The following DIAPH1 variants were observed in gnomAD, a reference collection of about 807,000 sequenced individuals.
The protein encoded by DIAPH1 is diaphanous related formin 1.
In DIAPH1, 46 loss-of-function variants were observed where a neutral mutation model predicts 140.7. The observed-to-expected ratio is 0.33, with a 90% CI of 0.26 to 0.42. The LOEUF is 0.42. DIAPH1 is among the 10% of genes least tolerant of loss of function. The probability of loss-of-function intolerance (pLI) is 1.00; values close to 1 mark genes in which losing one functional copy is unlikely to be tolerated. For missense variants in DIAPH1, 1,310 were observed against 1,558.7 expected (o/e 0.84, Z 2.69); for synonymous variants, 565 against 551.6 (o/e 1.02, Z -0.34).
At chr5:141,583,368 A>G in intron 5 of DIAPH1, 76 bp from the exon 6 acceptor site, 4 of 1,602,956 alleles carry the variant, frequency 2.5e-6, no homozygotes, top group Non-Finnish European at 3.4e-6. Flanking sequence ...TATCCTGACA[A>G]CTTACTACTC....
At chr5:141,526,986 A>G (rs1169532894) in intron 24 of DIAPH1, among the ~76,000 whole-genome samples, 1 of 152,242 alleles carries the variant, frequency 6.6e-6, no homozygotes, top group African/African-American at 2.4e-5. Flanking sequence ...ACATATGTGC[A>G]AAACACAATA....
At chr5:141,575,339 CAT>C (rs1432513787) in intron 14 of DIAPH1, among the ~76,000 whole-genome samples, 193 bp from the exon 15 acceptor site, 34 of 152,110 alleles carry the variant, frequency 2.2e-4, no homozygotes, top group African/African-American at 8.0e-4. Flanking sequence ...AAAAAAGCAC[CAT>C]GATTCTGACC....
chr5:141,529,791 G>A (rs768295067), intron 19 of DIAPH1, 94 bp from the exon 20 acceptor site: 64 of 1,171,724 alleles, frequency 5.5e-5, no homozygotes, highest in Non-Finnish European at 7.5e-5. Flanking sequence ...CTTCCTAACA[G>A]GGCTCTTTTA....
At chr5:141,525,661 G>A (rs759153193) in intron 26 of DIAPH1, among the ~76,000 whole-genome samples, 8 of 152,160 alleles carry the variant, frequency 5.3e-5, no homozygotes, top group South Asian at 2.1e-4. Flanking sequence ...ATTAAAAGAT[G>A]GGAGGAGCGT....
At chr5:141,588,646 G>A (rs1471966810) in intron 1 of DIAPH1, among the ~76,000 whole-genome samples, 2 of 152,058 alleles carry the variant, frequency 1.3e-5, no homozygotes, top group Non-Finnish European at 2.9e-5. Context: ...TGTCCGTCTA[G>A]TCACAGACCA....
At chr5:141,577,360 AATCTT>A in intron 12 of DIAPH1, 110 bp downstream of exon 12, 1 of 821,384 alleles carries the variant, frequency 1.2e-6, no homozygotes, top group Non-Finnish European at 2.1e-6. Flanking sequence ...AATGAACCCT[AATCTT>A]GGGTCTTTGT....
chr5:141,578,793 C>A (rs1655744322), intron 9 of DIAPH1, among the ~76,000 whole-genome samples, 168 bp from the exon 10 acceptor site: 1 of 152,118 alleles, frequency 6.6e-6, no homozygotes, highest in Non-Finnish European at 1.5e-5. Context: ...GAGTACAGAT[C>A]CGGAGAGCCT....
chr5:141,595,199 T>C (rs1316997389), intron 1 of DIAPH1, among the ~76,000 whole-genome samples: 2 of 152,050 alleles, frequency 1.3e-5, no homozygotes, highest in South Asian at 2.1e-4. Context: ...TATGAATAAA[T>C]AGAGCACAGA....
At chr5:141,611,394 T>C (rs897019319) in intron 1 of DIAPH1, among the ~76,000 whole-genome samples, 1 of 152,032 alleles carries the variant, frequency 6.6e-6, no homozygotes, top group Non-Finnish European at 1.5e-5. Flanking sequence ...AAATACACTG[T>C]TAGGAAAATG....
intron 6 of DIAPH1, among the ~76,000 whole-genome samples, 155 bp downstream of exon 6, chr5:141,583,051 C>A (rs1369832248): frequency 2.0e-5 from 3 of 152,152 alleles, no homozygotes; most frequent in African/African-American, 7.2e-5. Flanking sequence ...CATCATTCAT[C>A]CTCTAGCCAC....
At chr5:141,572,220 ATCTG>A (rs2099895295) in intron 16 of DIAPH1, among the ~76,000 whole-genome samples, 180 bp from the exon 17 acceptor site, 3 of 152,228 alleles carry the variant, frequency 2.0e-5, no homozygotes, top group African/African-American at 7.2e-5. Context: ...CTTCCAGTTC[ATCTG>A]TTAATTGGTG....
At chr5:141,523,511 A>C (rs1384259036) in intron 27 of DIAPH1, among the ~76,000 whole-genome samples, 1 of 152,180 alleles carries the variant, frequency 6.6e-6, no homozygotes, top group Non-Finnish European at 1.5e-5. Context: ...AGCTCAATGT[A>C]ATCCACTTAG....
In DIAPH1 at chr5:141,578,354, C is replaced by T. The variant is rs755706494; in HGVS notation, c.1045-11G>A. 1.6e-4 allele frequency: 250 copies of T among 1,607,760 alleles called. No homozygotes were observed. The highest frequency in any genetic ancestry group is 2.1e-4 in the Non-Finnish European group (245 of 1,174,362). On this transcript the variant is annotated splice_polypyrimidine_tract_variant and intron_variant, in intron 10 of 27. Transcript: ENST00000389054. ...AATCTCTCGAAGGTCCTGTCAACAACAAAAGTAGAAGTCAGGGAACCCAAA... is the reference window on the plus strand; with the variant it reads ...AATCTCTCGAAGGTCCTGTCAACAATAAAAGTAGAAGTCAGGGAACCCAAA...
intron 1 of DIAPH1, among the ~76,000 whole-genome samples, chr5:141,589,460 T>C (rs1355213005): frequency 1.3e-5 from 2 of 152,208 alleles, no homozygotes; most frequent in Non-Finnish European, 2.9e-5. Context: ...ACTGGTATAT[T>C]GGTACAAGGA....
intron 18 of DIAPH1, among the ~76,000 whole-genome samples, chr5:141,560,167 T>C (rs2099893303): frequency 6.6e-6 from 1 of 152,238 alleles, no homozygotes; most frequent in African/African-American, 2.4e-5. Context: ...ACTGTACTGG[T>C]TGATAAAATT....
At position 141,528,586 on chromosome 5, in the gene DIAPH1, A is replaced by T; in HGVS notation, c.3019-4T>A. On this transcript the variant is annotated splice_polypyrimidine_tract_variant and splice_region_variant and intron_variant, in intron 22 of 27. Coordinates refer to ENST00000389054, the MANE Select transcript of DIAPH1 (RefSeq NM_005219.5). ...CTGTGGACTTGGTGTCTCGAAGCTT[A>T]GAGAAAGAGGAGAAACTGTTAAATC... 1 of 1,614,222 alleles carries T rather than the reference A, an allele frequency of 6.2e-7. No homozygotes were observed. Among genetic ancestry groups the T allele is most frequent in the Non-Finnish European group, 8.5e-7 (1 of 1,180,038 alleles).
At position 141,574,066 on chromosome 5, in the gene DIAPH1, A is replaced by C; in HGVS notation, c.1784T>G (p.Ile595Ser). ...APPLPGDSGT[I>S]IPPPPAPGDS... ...CCCAGGAGCAGGTGGTGGTGGAATAATAGTGCCAGAGTCACCAGGTAAAGG... is the reference window on the plus strand; with the variant it reads ...CCCAGGAGCAGGTGGTGGTGGAATACTAGTGCCAGAGTCACCAGGTAAAGG... Residue 595 changes from isoleucine (I) to serine (S), a missense_variant, in exon 16 of 28, where the codon ATT becomes AGT. By Grantham distance (142) the Ile-to-Ser change is moderately radical (BLOSUM62 -2). Transcript: ENST00000389054. 4.4e-6 allele frequency: 7 copies of C among 1,609,180 alleles called. No homozygotes were observed. Among genetic ancestry groups the C allele is most frequent in the Non-Finnish European group, 5.9e-6 (7 of 1,177,668 alleles).
Position 141,574,021 on chromosome 5 carries a change from G to GGAA in DIAPH1, c.1828_1829insTTC (p.Pro609_Pro610insLeu). On this transcript the variant is annotated inframe_insertion, in exon 16 of 28. Transcript: ENST00000389054. ...TGGAGGAGGAGGAGGAGGAGGAGGA[G>GGAA]GAGGAGGAGTGGTACTATCCCCAGG... 6.4e-7 allele frequency: 1 copy of GGAA among 1,565,556 alleles called. No individual in the cohort carries two copies. The highest frequency in any genetic ancestry group is 8.7e-7 in the Non-Finnish European group (1 of 1,155,456).
intron 18 of DIAPH1, among the ~76,000 whole-genome samples, chr5:141,542,301 C>T (rs1376283853): frequency 2.0e-5 from 3 of 151,892 alleles, no homozygotes; most frequent in Non-Finnish European, 4.4e-5. Flanking sequence ...GGCATGGTGG[C>T]GCATGCCTGT....
Sources: gnomAD v4.1 joint callset for allele counts (sites outside exome capture counted in the v4.1 genomes callset) on GRCh38, gnomAD v4.1.1 for gene constraint, MANE v1.5 for transcripts, NCBI Gene and HGNC (gene_info 2026-07-23, HGNC 2026-07-21) for gene names.